The following SYNE3 variants were observed in gnomAD, a reference collection of about 807,000 sequenced individuals.
The protein encoded by SYNE3 is nesprin-3.
SYNE3 carries 100 observed loss-of-function variants against 111.2 expected under a neutral mutation model. That is an observed-to-expected ratio of 0.90 (90% confidence interval 0.77 to 1.06). The LOEUF (loss-of-function observed/expected upper bound fraction) is 1.06, where lower values mean the gene tolerates loss of function less well. SYNE3 is among the 50% of genes least tolerant of loss of function. The pLI, the probability that SYNE3 is intolerant of heterozygous loss-of-function variation, is 0.00. For missense variants in SYNE3, 1,160 were observed against 1,240.3 expected (o/e 0.94, Z 0.97); for synonymous variants, 547 against 533.9 (o/e 1.02, Z -0.34).
intron 4 of SYNE3, among the ~76,000 whole-genome samples, chr14:95,461,795 A>T (rs535127758): frequency 1.3e-5 from 2 of 152,232 alleles, no homozygotes; most frequent in East Asian, 1.9e-4. Context: ...GAGACCTTTT[A>T]TGCAGGGGAG....
At chr14:95,481,813 C>A (rs1291824118) in intron 1 of SYNE3, among the ~76,000 whole-genome samples, 2 of 152,238 alleles carry the variant, frequency 1.3e-5, no homozygotes, top group African/African-American at 4.8e-5. Context: ...GGCCTGAAAG[C>A]AATTGGCCGA....
rs558361861 is a variant in SYNE3, at chr14:95,453,091, C to G, written c.1138-708G>C. Among the ~76,000 whole-genome samples, 5 of 152,200 alleles carry G rather than the reference C, an allele frequency of 3.3e-5. 1 individual carries two copies. In the South Asian group the frequency reaches 1.0e-3, roughly 32 times the overall value. On this transcript the variant is annotated intron_variant, in intron 6 of 17. Transcript: ENST00000682763. ...GGGTGGGGTAGTAGAAAGTGCTGGG[C>G]TTTGCCACAACACAGAGCTGGCCTG...
intron 1 of SYNE3, among the ~76,000 whole-genome samples, chr14:95,512,263 G>C (rs529877069): frequency 2.6e-5 from 4 of 152,222 alleles, no homozygotes; most frequent in South Asian, 2.1e-4. Flanking sequence ...GAGAGAGGCA[G>C]ATTTTCTAAG....
At chr14:95,489,577 C>T (rs144125558) in intron 1 of SYNE3, among the ~76,000 whole-genome samples, 215 of 151,148 alleles carry the variant, frequency 1.4e-3, no homozygotes, top group Non-Finnish European at 2.1e-3. Flanking sequence ...ACTACAATAC[C>T]TACCTCGGTT....
intron 1 of SYNE3, among the ~76,000 whole-genome samples, chr14:95,480,088 G>A (rs1220947560): frequency 6.6e-6 from 1 of 152,166 alleles, no homozygotes; most frequent in African/African-American, 2.4e-5. Context: ...AAAGAACTGT[G>A]CAGTTTCCAA....
At chr14:95,512,209 T>C (rs1890746255) in intron 1 of SYNE3, among the ~76,000 whole-genome samples, 1 of 152,220 alleles carries the variant, frequency 6.6e-6, no homozygotes, top group Non-Finnish European at 1.5e-5. Context: ...CAGAATTTTT[T>C]GCTTTATTTT....
Position 95,415,959 on chromosome 14 carries a change from C to T in SYNE3, c.*1867G>A, listed in dbSNP as rs1903568551. On this transcript the variant is annotated 3_prime_UTR_variant, in exon 18 of 18. Transcript: ENST00000682763. ...GCAGTGAGCCGAGATCGCACCACTG[C>T]ACTCCAGCCTGGGCAAAAAGAGCGA... is the stretch of plus-strand genomic sequence containing the variant. 2 of 152,352 alleles carry T rather than the reference C, an allele frequency of 1.3e-5. No homozygotes were observed. Among genetic ancestry groups the T allele is most frequent in the Non-Finnish European group, 2.9e-5 (2 of 68,146 alleles). The allele number at this position is 152,352 out of a possible 1,614,324, so 9.4% of individuals were successfully genotyped here.
chr14:95,498,733 A>G (rs1210431422), intron 1 of SYNE3, among the ~76,000 whole-genome samples: 3 of 152,178 alleles, frequency 2.0e-5, no homozygotes, highest in Non-Finnish European at 4.4e-5. Context: ...AATGAGGATG[A>G]CAATGGCACC....
intron 1 of SYNE3, among the ~76,000 whole-genome samples, chr14:95,494,092 G>A (rs1361317391): frequency 6.6e-6 from 1 of 151,870 alleles, no homozygotes; most frequent in Non-Finnish European, 1.5e-5. Context: ...TGAGGTAGAA[G>A]GAGTTTGAAG....
At chr14:95,510,713 G>A (rs575276991) in intron 1 of SYNE3, among the ~76,000 whole-genome samples, 8 of 152,260 alleles carry the variant, frequency 5.3e-5, no homozygotes, top group Middle Eastern at 3.4e-3. Flanking sequence ...GCTTGAACCC[G>A]GGAGGCGGAG....
At chr14:95,479,384 A>T (rs1056981331) in intron 1 of SYNE3, among the ~76,000 whole-genome samples, 3 of 152,094 alleles carry the variant, frequency 2.0e-5, no homozygotes, top group African/African-American at 7.2e-5. Context: ...TAAAAATTTA[A>T]AAAAATTGCC....
At chr14:95,505,039 G>A (rs530337121) in intron 1 of SYNE3, among the ~76,000 whole-genome samples, 2 of 152,300 alleles carry the variant, frequency 1.3e-5, no homozygotes, top group South Asian at 2.1e-4. Context: ...GACCCTATTC[G>A]ATCTACGAAG....
chr14:95,507,624 T>A (rs562081268), intron 1 of SYNE3, among the ~76,000 whole-genome samples: 17 of 152,372 alleles, frequency 1.1e-4, no homozygotes, highest in East Asian at 3.9e-4. Context: ...GAAATTTTTT[T>A]AAAAATTAAT....
At chr14:95,513,349 T>C (rs1337628335) in intron 1 of SYNE3, among the ~76,000 whole-genome samples, 1 of 152,148 alleles carries the variant, frequency 6.6e-6, no homozygotes, top group Non-Finnish European at 1.5e-5. Context: ...ATGCTAGGAT[T>C]CTCTATACCA....
intron 3 of SYNE3, 39 bp downstream of exon 3, chr14:95,467,756 G>A (rs779636671): frequency 1.9e-6 from 3 of 1,611,732 alleles, no homozygotes; most frequent in Middle Eastern, 1.7e-4. Flanking sequence ...GGCAAGGAGG[G>A]TAAATGGCAG....
chr14:95,449,389 A>C, intron 8 of SYNE3: 1 of 978,630 alleles, frequency 1.0e-6, no homozygotes, highest in Non-Finnish European at 1.2e-6. Flanking sequence ...GTAGAGGTGG[A>C]GAGAGCCCTG....
In SYNE3 at chr14:95,512,115, G is replaced by A. The variant is rs111455731; in HGVS notation, c.-15+4481C>T. ...ATTATCTTACTTGTTGTATGATTTG[G>A]GAAGACAGAGATCATGTCTCCTACA... On this transcript the variant is annotated intron_variant, in intron 1 of 17. Coordinates refer to ENST00000682763, the MANE Select transcript of SYNE3 (RefSeq NM_152592.6). Among the ~76,000 whole-genome samples, 1,194 of 152,204 alleles carry A rather than the reference G, an allele frequency of 7.8e-3. 17 individuals are homozygous for A. Among genetic ancestry groups the A allele is most frequent in the African/African-American group, 0.027 (1,138 of 41,520 alleles).
intron 11 of SYNE3, among the ~76,000 whole-genome samples, chr14:95,442,584 G>T (rs768248981): frequency 6.6e-6 from 1 of 152,178 alleles, no homozygotes; most frequent in Non-Finnish European, 1.5e-5. Context: ...GGGGCCTGGA[G>T]TCTGCATTTC....
rs571528229 is a variant in SYNE3, at chr14:95,427,394, G to A, written c.2727+4685C>T. 4.7e-4 allele frequency among the ~76,000 whole-genome samples: 72 copies of A among 152,234 alleles called. 2 individuals are homozygous for A. Among genetic ancestry groups the A allele is most frequent in the African/African-American group, 1.6e-3 (65 of 41,548 alleles). ...GGCCTGACATCAGTCAGGCCCGCCCGCAGTTATCCGGAGGCCTAACCGTCT... is the reference window on the plus strand; with the variant it reads ...GGCCTGACATCAGTCAGGCCCGCCCACAGTTATCCGGAGGCCTAACCGTCT... On this transcript the variant is annotated intron_variant, in intron 17 of 17. Transcript: ENST00000682763.
Sources: gnomAD v4.1 joint callset for allele counts (sites outside exome capture counted in the v4.1 genomes callset) on GRCh38, gnomAD v4.1.1 for gene constraint, MANE v1.5 for transcripts, NCBI Gene and HGNC (gene_info 2026-07-23, HGNC 2026-07-21) for gene names.